The following ELF1 variants were observed in gnomAD, a reference collection of about 807,000 sequenced individuals.
ELF1 encodes E74 like ETS transcription factor 1.
A neutral mutation model predicts 59.9 loss-of-function variants in ELF1; 24 were observed. That is an observed-to-expected ratio of 0.40 (90% CI 0.29 to 0.56). The LOEUF is 0.56. Ranked by LOEUF, ELF1 falls within the 20% of genes least tolerant of loss-of-function variation. The probability of loss-of-function intolerance (pLI) is 0.44; values close to 1 mark genes in which losing one functional copy is unlikely to be tolerated. For synonymous variants in ELF1, 248 were observed against 266.2 expected, an observed-to-expected ratio of 0.93 and a Z score of 0.67; for missense variants, 627 against 742.2, an observed-to-expected ratio of 0.84 and a Z score of 1.80.
intron 1 of ELF1, among the ~76,000 whole-genome samples, chr13:40,986,328 A>G (rs1873546918): frequency 6.6e-6 from 1 of 152,214 alleles, no homozygotes; most frequent in East Asian, 1.9e-4. Context: ...TAAAACGGGT[A>G]AAGTAATACC....
chr13:41,054,036 C>T (rs1877198078), intron 1 of ELF1, among the ~76,000 whole-genome samples: 1 of 151,904 alleles, frequency 6.6e-6, no homozygotes, highest in Admixed American at 6.6e-5. Context: ...AGGATAATAC[C>T]ATATGTCTTA....
chr13:41,047,592 A>C (rs1051777650), intron 1 of ELF1, among the ~76,000 whole-genome samples: 2 of 152,320 alleles, frequency 1.3e-5, no homozygotes, highest in Non-Finnish European at 2.9e-5. Context: ...TGCAGAACAG[A>C]GAATATTGCT....
intron 1 of ELF1, among the ~76,000 whole-genome samples, chr13:41,060,417 C>T (rs1441998131): frequency 6.6e-6 from 1 of 152,194 alleles, no homozygotes; most frequent in Non-Finnish European, 1.5e-5. Context: ...TTAATCATCA[C>T]CTCCCGGGCG....
Position 40,933,107 on chromosome 13 carries a change from T to G in ELF1, c.*318A>C. 4.6e-6 allele frequency: 1 copy of G among 219,108 alleles called. No individual in the cohort carries two copies. Among genetic ancestry groups the G allele is most frequent in the Non-Finnish European group, 8.9e-6 (1 of 112,528 alleles). The allele number at this position is 219,108 out of a possible 1,614,324, so 13.6% of individuals were successfully genotyped here. On this transcript the variant is annotated 3_prime_UTR_variant, in exon 9 of 9. Transcript: ENST00000239882. ...TTTAAGTTCTGTATTTACAAAAGAA[T>G]CAGAAAATCTAATACAATGTAAAAT...
chr13:41,001,139 T>G (rs9594477), intron 1 of ELF1, among the ~76,000 whole-genome samples: 28,054 of 151,548 alleles, frequency 0.19, 2,773 homozygotes, highest in East Asian at 0.27. Context: ...ACCACGCCTG[T>G]CTAATTTTTG....
intron 5 of ELF1, among the ~76,000 whole-genome samples, chr13:40,949,216 C>T (rs1030151272): frequency 2.6e-5 from 4 of 152,068 alleles, no homozygotes; most frequent in Non-Finnish European, 4.4e-5. Context: ...AAACCCCTGA[C>T]CTCAGGTTAT....
intron 1 of ELF1, among the ~76,000 whole-genome samples, chr13:41,038,877 G>C (rs750896456): frequency 6.6e-6 from 1 of 151,608 alleles, no homozygotes; most frequent in Non-Finnish European, 1.5e-5. Flanking sequence ...TAAGCCAGAC[G>C]TGGTGGTAGA....
At position 41,060,908 on chromosome 13, in the gene ELF1, T is replaced by TGCCGCCGCCGCCGCCGCCGCCGCCGCC. The variant is rs1157339207; in HGVS notation, c.-300_-299insGGCGGCGGCGGCGGCGGCGGCGGCGGC. On this transcript the variant is annotated 5_prime_UTR_variant, in exon 1 of 2. Coordinates refer to the ELF1 transcript ENST00000405737. ...ACCGCCGCCTCTGCGCTACTGAAGC[T>TGCCGCCGCCGCCGCCGCCGCCGCCGCC]GCTGCTGCCGCCGCCGCCGCCGCCG... The TGCCGCCGCCGCCGCCGCCGCCGCCGCC allele has an allele frequency of 1.5e-5, 4 of 275,332 alleles. No homozygotes were observed. In the East Asian group the frequency reaches 4.2e-4, roughly 29 times the overall value. 17.1% of individuals were successfully genotyped at this position (275,332 alleles called of 1,614,324 possible). A position where few individuals can be genotyped will look rare whatever the true frequency, so the allele number is the denominator to read the frequency against.
At chr13:41,055,617 A>C (rs952701548) in intron 1 of ELF1, among the ~76,000 whole-genome samples, 3 of 152,090 alleles carry the variant, frequency 2.0e-5, no homozygotes, top group Non-Finnish European at 4.4e-5. Flanking sequence ...GTTATTTAAT[A>C]AGCACTTACC....
intron 1 of ELF1, among the ~76,000 whole-genome samples, chr13:41,053,990 G>A (rs1877195117): frequency 6.6e-6 from 1 of 152,036 alleles, no homozygotes; most frequent in Non-Finnish European, 1.5e-5. Flanking sequence ...GGTGTGGGGG[G>A]ATGTTTGATA....
Position 40,951,427 on chromosome 13 carries a change from G to A in ELF1, c.263C>T (p.Ser88Phe), listed in dbSNP as rs1308439306. The A allele has an allele frequency of 6.2e-7, 1 of 1,613,660 alleles. No individual in the cohort carries two copies. ...DDDITLTVEA[S>F]CHDGDETIET... The stretch of plus-strand genomic sequence containing the variant: ...AATTGTTTCATCCCCGTCATGACAA[G>A]AAGCTTCAACTGCAACACATTTAAA... The change falls in exon 4 of 9, where the codon TCT becomes TTT. Residue 88 changes from serine to phenylalanine, a missense_variant. Ser to Phe is a radical substitution (Grantham distance 155). This residue lies in a region of ELF1 where 232 missense variants were observed against 269.2 expected (regional missense o/e 0.86). Transcript: ENST00000239882.
chr13:40,997,262 TTTTTTTTTC>T (rs1874175482), intron 1 of ELF1, among the ~76,000 whole-genome samples: 1 of 151,214 alleles, frequency 6.6e-6, no homozygotes, highest in Non-Finnish European at 1.5e-5. Flanking sequence ...TATTTTAATC[TTTTTTTTTC>T]TTTTGAGACG....
At chr13:40,974,525 T>C (rs1410146321) in intron 2 of ELF1, among the ~76,000 whole-genome samples, 1 of 152,200 alleles carries the variant, frequency 6.6e-6, no homozygotes, top group East Asian at 1.9e-4. Context: ...AGGATTGTTG[T>C]AAGAATTAAA....
chr13:41,027,939 G>C (rs913559221), intron 1 of ELF1, among the ~76,000 whole-genome samples: 2 of 152,174 alleles, frequency 1.3e-5, no homozygotes, highest in Non-Finnish European at 2.9e-5. Context: ...CCAGAAGGCT[G>C]TACACATTCT....
At chr13:41,050,046 G>A (rs1169979596) in intron 1 of ELF1, among the ~76,000 whole-genome samples, 3 of 152,124 alleles carry the variant, frequency 2.0e-5, no homozygotes, top group Admixed American at 6.5e-5. Flanking sequence ...AGAACAAAAC[G>A]TATTATCTTA....
At chr13:40,994,028 TG>T (rs773354900) in intron 1 of ELF1, among the ~76,000 whole-genome samples, 1 of 151,960 alleles carries the variant, frequency 6.6e-6, no homozygotes, top group Non-Finnish European at 1.5e-5. Flanking sequence ...AAAATCAATA[TG>T]ATCAAACTAA....
intron 3 of ELF1, among the ~76,000 whole-genome samples, chr13:40,954,102 C>A (rs1871040712): frequency 6.6e-6 from 1 of 152,160 alleles, no homozygotes; most frequent in Non-Finnish European, 1.5e-5. Flanking sequence ...GATCAGACAG[C>A]AATGAATAGA....
In ELF1 at chr13:40,951,438, T is replaced by A; in HGVS notation, c.254-2A>T. On this transcript the variant is annotated splice_acceptor_variant, in intron 3 of 8. Coordinates refer to ENST00000239882, the MANE Select transcript of ELF1 (RefSeq NM_172373.4). LOFTEE classifies it high-confidence loss of function. ...CCCCGTCATGACAAGAAGCTTCAAC[T>A]GCAACACATTTAAAGAGAAAATTAA... 1 of 1,613,076 alleles carries A rather than the reference T, an allele frequency of 6.2e-7. No homozygotes were observed. Among genetic ancestry groups the A allele is most frequent in the Non-Finnish European group, 8.5e-7 (1 of 1,179,386 alleles).
chr13:40,984,111 T>TA (rs1304098710), intron 1 of ELF1, among the ~76,000 whole-genome samples: 1 of 152,208 alleles, frequency 6.6e-6, no homozygotes, highest in African/African-American at 2.4e-5. Context: ...CATGTTTGAG[T>TA]ACCAATTATT....
Sources: gnomAD v4.1 joint callset for allele counts (sites outside exome capture counted in the v4.1 genomes callset) on GRCh38, gnomAD v4.1.1 for gene constraint, gnomAD v4.1.1 regional missense constraint, MANE v1.5 for transcripts, NCBI Gene and HGNC (gene_info 2026-07-23, HGNC 2026-07-21) for gene names.